PTPRM: variants seen among roughly 807,000 people sequenced by gnomAD.
The protein encoded by PTPRM is receptor-type tyrosine-protein phosphatase mu.
A neutral mutation model predicts 186.7 loss-of-function variants in PTPRM; 47 were observed. The ratio of observed to expected loss-of-function variants is 0.25; its 90% CI spans 0.20 to 0.32. PTPRM has a LOEUF of 0.32. Ranked by LOEUF, PTPRM falls within the 10% of genes least tolerant of loss-of-function variation. The pLI is 1.00. For synonymous variants in PTPRM, 668 were observed against 674.9 expected, an observed-to-expected ratio of 0.99 and a Z score of 0.16; for missense variants, 1,494 against 1,865.0, an observed-to-expected ratio of 0.80 and a Z score of 3.66.
At chr18:7,638,227 A>G (rs567717526) in intron 1 of PTPRM, among the ~76,000 whole-genome samples, 5 of 152,206 alleles carry the variant, frequency 3.3e-5, no homozygotes, top group Non-Finnish European at 7.3e-5. Context: ...TCCAGAATAA[A>G]GTATCTGAGA....
At chr18:7,624,697 G>C (rs1435767609) in intron 1 of PTPRM, among the ~76,000 whole-genome samples, 1 of 152,170 alleles carries the variant, frequency 6.6e-6, no homozygotes, top group Non-Finnish European at 1.5e-5. Flanking sequence ...GGCTGATCTT[G>C]AATTCCTGAG....
chr18:7,823,114 C>G lies in PTPRM; in HGVS notation c.196+48843C>G, dbSNP rs547106869. Among the ~76,000 whole-genome samples, 4 of 152,220 alleles carry G rather than the reference C, an allele frequency of 2.6e-5. No homozygotes were observed. In the South Asian group the frequency reaches 8.3e-4, roughly 32 times the overall value. ...TAATGTTTCTCCTATTTGTAGTATCCGTTCTACTCTTGTTGCCCTATTCAG... is the reference window on the plus strand; with the variant it reads ...TAATGTTTCTCCTATTTGTAGTATCGGTTCTACTCTTGTTGCCCTATTCAG... On this transcript the variant is annotated intron_variant, in intron 2 of 32. Coordinates refer to ENST00000580170, the MANE Select transcript of PTPRM (RefSeq NM_001105244.2).
chr18:7,763,273 G>A (rs2041863913), intron 1 of PTPRM, among the ~76,000 whole-genome samples: 1 of 152,208 alleles, frequency 6.6e-6, no homozygotes, highest in Non-Finnish European at 1.5e-5. Flanking sequence ...ACTAAGCAAA[G>A]CCTGGAGATG....
At chr18:8,035,067 A>G (rs1471524219) in intron 7 of PTPRM, among the ~76,000 whole-genome samples, 1 of 152,174 alleles carries the variant, frequency 6.6e-6, no homozygotes, top group East Asian at 1.9e-4. Context: ...CCCTCTCTCC[A>G]GAGCACCTTT....
intron 1 of PTPRM, among the ~76,000 whole-genome samples, chr18:7,589,561 C>G (rs192774498): frequency 2.0e-5 from 3 of 152,138 alleles, no homozygotes; most frequent in Non-Finnish European, 4.4e-5. Flanking sequence ...CAACTCCCCC[C>G]CACCACCCTG....
chr18:7,893,093 T>C (rs2049163726), intron 3 of PTPRM, among the ~76,000 whole-genome samples: 1 of 152,244 alleles, frequency 6.6e-6, no homozygotes, highest in Non-Finnish European at 1.5e-5. Context: ...ACAGTGTTGC[T>C]AAGTTTTTAT....
intron 19 of PTPRM, among the ~76,000 whole-genome samples, chr18:8,289,334 CAT>C (rs1348222463): frequency 6.7e-6 from 1 of 150,270 alleles, no homozygotes; most frequent in East Asian, 1.9e-4. Flanking sequence ...GAATAAGAAA[CAT>C]ATTCTAAAGC....
rs536271263 is a variant in PTPRM at position 7,964,315 on chromosome 18, C to T, written c.1132+8901C>T. Among the ~76,000 whole-genome samples the T allele has an allele frequency of 1.6e-4, 25 of 152,330 alleles. No individual in the cohort carries two copies. In the South Asian group the frequency reaches 5.0e-3, roughly 30 times the overall value. On this transcript the variant is annotated intron_variant, in intron 7 of 32. Transcript: ENST00000580170. ...GAGGAAACAGTGTTCCCCTGGGAAA[C>T]TTCTTTCACTTTATAGTCTGACTGA...
At chr18:8,232,826 G>T (rs2094303288) in intron 14 of PTPRM, among the ~76,000 whole-genome samples, 1 of 152,210 alleles carries the variant, frequency 6.6e-6, no homozygotes, top group Non-Finnish European at 1.5e-5. Context: ...GGAAGAAGGG[G>T]TCAGGGGGCA....
chr18:8,103,750 A>G (rs1309729611), intron 11 of PTPRM, among the ~76,000 whole-genome samples: 1 of 152,042 alleles, frequency 6.6e-6, no homozygotes, highest in African/African-American at 2.4e-5. Context: ...TCCTTCAATA[A>G]CTTTTCCTTT....
rs994271620 is a variant in PTPRM, at chr18:8,313,043, A to G, written c.2843-1738A>G. ...GAAATTTTGACTTTCACCCATTAGC[A>G]TTTCAAGGAATGGGTCCAGGTCAAT... On this transcript the variant is annotated intron_variant, in intron 20 of 32. Transcript: ENST00000580170. Among the ~76,000 whole-genome samples, 7 of 152,316 alleles carry G rather than the reference A, an allele frequency of 4.6e-5. No homozygotes were observed. In the East Asian group the frequency reaches 1.2e-3, roughly 25 times the overall value.
At chr18:7,672,856 G>A (rs2144501166) in intron 1 of PTPRM, among the ~76,000 whole-genome samples, 1 of 152,362 alleles carries the variant, frequency 6.6e-6, no homozygotes, top group East Asian at 1.9e-4. Context: ...AGTCTAGTGA[G>A]TGGAGGCCCC....
chr18:8,187,585 T>C (rs1200674039), intron 14 of PTPRM, among the ~76,000 whole-genome samples: 2 of 152,190 alleles, frequency 1.3e-5, no homozygotes, highest in Non-Finnish European at 2.9e-5. Context: ...CTGGTAACAG[T>C]GTGGACAGCA....
At chr18:8,394,435 A>C (rs756922793) in intron 31 of PTPRM, 41 bp from the exon 32 acceptor site, 2 of 1,584,446 alleles carry the variant, frequency 1.3e-6, no homozygotes, top group Admixed American at 3.5e-5. Context: ...ATGCAGTGTA[A>C]AGACAGACCG....
intron 14 of PTPRM, among the ~76,000 whole-genome samples, chr18:8,212,164 T>C (rs1601252455): frequency 2.0e-5 from 3 of 152,276 alleles, no homozygotes; most frequent in South Asian, 4.1e-4. Context: ...CAGGTGCCTG[T>C]GCCTGGTAGG....
intron 1 of PTPRM, among the ~76,000 whole-genome samples, chr18:7,698,265 G>A (rs2144689846): frequency 6.6e-6 from 1 of 152,276 alleles, no homozygotes; most frequent in African/African-American, 2.4e-5. Context: ...TGAATATCTA[G>A]CAATAGACAC....
rs28524496 is a variant in PTPRM, at chr18:7,685,390, G to A, written c.74-88759G>A. Among the ~76,000 whole-genome samples, 1,229 of 152,300 alleles carry A rather than the reference G, an allele frequency of 8.1e-3. 14 individuals carry two copies. Among genetic ancestry groups the A allele is most frequent in the African/African-American group, 0.028 (1,175 of 41,554 alleles). On this transcript the variant is annotated intron_variant, in intron 1 of 32. Coordinates refer to ENST00000580170, the MANE Select transcript of PTPRM (RefSeq NM_001105244.2). ...TCTTGATGCCCCGAAGGGTGTGAGA[G>A]ATTCTTAAAGATGATAGTAAACGTA...
chr18:7,677,320 A>G (rs1366099974), intron 1 of PTPRM, among the ~76,000 whole-genome samples: 2 of 152,190 alleles, frequency 1.3e-5, no homozygotes, highest in South Asian at 2.1e-4. Context: ...CAGCAGTAAT[A>G]TTAGATGTTT....
intron 1 of PTPRM, among the ~76,000 whole-genome samples, chr18:7,672,595 G>T (rs2039243058): frequency 6.6e-6 from 1 of 152,204 alleles, no homozygotes; most frequent in East Asian, 1.9e-4. Context: ...TTGGACCAAA[G>T]GAGAGAGGAT....
Sources: gnomAD v4.1 joint callset for allele counts (sites outside exome capture counted in the v4.1 genomes callset) on GRCh38, gnomAD v4.1.1 for gene constraint, MANE v1.5 for transcripts, NCBI Gene and HGNC (gene_info 2026-07-23, HGNC 2026-07-21) for gene names.